LRRC7: variants seen among roughly 807,000 people sequenced by gnomAD.
The protein encoded by LRRC7 is leucine-rich repeat-containing protein 7.
In LRRC7, 23 loss-of-function variants were observed where a neutral mutation model predicts 175.7. That is an observed-to-expected ratio of 0.13 (90% CI 0.09 to 0.19). The LOEUF (loss-of-function observed/expected upper bound fraction) is 0.19. LRRC7 is among the 10% of genes least tolerant of loss of function. The probability of loss-of-function intolerance (pLI) is 1.00; values close to 1 mark genes in which losing one functional copy is unlikely to be tolerated. For missense variants in LRRC7, 1,354 were observed against 1,904.7 expected, an observed-to-expected ratio of 0.71 and a Z score of 5.38; for synonymous variants, 685 against 680.9, an observed-to-expected ratio of 1.01 and a Z score of -0.09.
Position 70,134,927 on chromosome 1 carries a change from C to T in LRRC7, c.*13040C>T, listed in dbSNP as rs1274572955. The stretch of plus-strand genomic sequence containing the variant: ...ATACAGCTTTTGAGTTTTTGATTTG[C>T]CTGATGTTCTATTTCATCTTTTTTA... On this transcript the variant is annotated 3_prime_UTR_variant, in exon 27 of 27. Transcript: ENST00000651989. Among the ~76,000 whole-genome samples, 2 of 152,060 alleles carry T rather than the reference C, an allele frequency of 1.3e-5. No individual in the cohort carries two copies. The highest frequency in any genetic ancestry group is 1.3e-4 in the Admixed American group (2 of 15,258).
At chr1:69,915,397 C>G (rs2101714947) in intron 7 of LRRC7, among the ~76,000 whole-genome samples, 1 of 152,256 alleles carries the variant, frequency 6.6e-6, no homozygotes, top group Non-Finnish European at 1.5e-5. Flanking sequence ...TATGATTTCA[C>G]AGACTGAGAT....
chr1:69,681,298 A>G (rs75180871), intron 2 of LRRC7, among the ~76,000 whole-genome samples: 1 of 152,184 alleles, frequency 6.6e-6, no homozygotes, highest in Non-Finnish European at 1.5e-5. Flanking sequence ...AAGTCAAATC[A>G]TAGTAGCTTT....
intron 8 of LRRC7, among the ~76,000 whole-genome samples, chr1:69,947,703 T>G (rs1293523731): frequency 6.6e-6 from 1 of 152,072 alleles, no homozygotes; most frequent in Non-Finnish European, 1.5e-5. Flanking sequence ...TATTCCCCCT[T>G]TATCTGCAGA....
intron 1 of LRRC7, among the ~76,000 whole-genome samples, chr1:69,667,539 C>A (rs1343019056): frequency 6.6e-6 from 1 of 152,118 alleles, no homozygotes; most frequent in Admixed American, 6.5e-5. Context: ...CTGAATTCAT[C>A]CCTTTATCAT....
rs117258614 is a variant in LRRC7, at chr1:69,725,226, T to A, written c.101-34965T>A. On this transcript the variant is annotated intron_variant, in intron 2 of 26. Transcript: ENST00000651989. ...GTCAAAGTGGATCATCATAAAGGTCTTCATCCTTGTCTTCACATTGAGTAG... is the reference window on the plus strand; with the variant it reads ...GTCAAAGTGGATCATCATAAAGGTCATCATCCTTGTCTTCACATTGAGTAG... Among the ~76,000 whole-genome samples, 3 of 152,248 alleles carry A rather than the reference T, an allele frequency of 2.0e-5. No homozygotes were observed. In the East Asian group the frequency reaches 5.8e-4, roughly 29 times the overall value.
At position 70,038,153 on chromosome 1, in the gene LRRC7, T is replaced by A; in HGVS notation, c.2329T>A (p.Leu777Ile). 1 of 1,613,336 alleles carries A rather than the reference T, an allele frequency of 6.2e-7. No individual in the cohort carries two copies. Among genetic ancestry groups the A allele is most frequent in the African/African-American group, 1.3e-5 (1 of 75,032 alleles). Residue 777 changes from leucine to isoleucine, a missense_variant, in exon 21 of 27, where the codon TTA becomes ATA. Leu to Ile is a conservative substitution (Grantham distance 5). Coordinates refer to ENST00000651989, the MANE Select transcript of LRRC7 (RefSeq NM_001370785.2). ...SFPQPLDSKP[L>I]LSQREAVPPG... ...CCCACAGCCTCTTGATTCAAAGCCA[T>A]TACTCAGCCAGCGGGAGGCTGTTCC...
At chr1:69,748,583 A>G (rs985366921) in intron 2 of LRRC7, among the ~76,000 whole-genome samples, 1 of 152,210 alleles carries the variant, frequency 6.6e-6, no homozygotes, top group African/African-American at 2.4e-5. Flanking sequence ...ATTTAAAAGT[A>G]CTAAACACAC....
chr1:69,722,280 C>T (rs1666447357), intron 2 of LRRC7, among the ~76,000 whole-genome samples: 1 of 151,976 alleles, frequency 6.6e-6, no homozygotes, highest in Non-Finnish European at 1.5e-5. Flanking sequence ...TATTTTTTGA[C>T]AGCTCCTTAC....
intron 2 of LRRC7, among the ~76,000 whole-genome samples, chr1:69,724,192 T>C (rs1393420237): frequency 2.0e-5 from 3 of 152,206 alleles, no homozygotes; most frequent in East Asian, 1.9e-4. Context: ...TCTCTTAATA[T>C]TGTCTAAGTG....
intron 26 of LRRC7, among the ~76,000 whole-genome samples, chr1:70,120,895 C>T (rs1666169676): frequency 6.6e-6 from 1 of 152,036 alleles, no homozygotes; most frequent in African/African-American, 2.4e-5. Context: ...GCCTTTACGG[C>T]AGTGAAGGCT....
chr1:69,590,967 A>G (rs974999894), intron 1 of LRRC7, among the ~76,000 whole-genome samples: 18 of 152,162 alleles, frequency 1.2e-4, no homozygotes, highest in Non-Finnish European at 2.5e-4. Flanking sequence ...AAGTATTATT[A>G]TTACTATTAT....
intron 1 of LRRC7, among the ~76,000 whole-genome samples, chr1:69,632,389 C>T (rs1238730545): frequency 6.6e-6 from 1 of 152,172 alleles, no homozygotes; most frequent in Admixed American, 6.6e-5. Flanking sequence ...TTACAGTTAG[C>T]TGAGTGCCAA....
chr1:69,893,770 T>A (rs1645902525), intron 7 of LRRC7, among the ~76,000 whole-genome samples: 2 of 152,008 alleles, frequency 1.3e-5, no homozygotes, highest in African/African-American at 4.8e-5. Flanking sequence ...TTTTAAGAGA[T>A]TTTTTAATTT....
chr1:69,760,524 T>G, intron 3 of LRRC7, 131 bp downstream of exon 3: 1 of 733,554 alleles, frequency 1.4e-6, no homozygotes, highest in Non-Finnish European at 2.3e-6. Context: ...TTGATATAAC[T>G]TCCCCCAATA....
At chr1:69,603,308 A>G (rs200585116) in intron 1 of LRRC7, among the ~76,000 whole-genome samples, 5 of 152,186 alleles carry the variant, frequency 3.3e-5, no homozygotes, top group Admixed American at 3.3e-4. Context: ...CTACAGATAT[A>G]TAGCTTAGAT....
chr1:69,601,212 G>A (rs11799492), intron 1 of LRRC7, among the ~76,000 whole-genome samples: 1,749 of 152,208 alleles, frequency 0.011, 37 homozygotes, highest in African/African-American at 0.037. Flanking sequence ...GGCCCTCTCC[G>A]CTGACAAAGC....
chr1:70,105,711 T>C (rs895021487), intron 25 of LRRC7, among the ~76,000 whole-genome samples: 2 of 152,184 alleles, frequency 1.3e-5, no homozygotes, highest in African/African-American at 4.8e-5. Context: ...TAATTTTTGT[T>C]ATTATAAATA....
intron 1 of LRRC7, among the ~76,000 whole-genome samples, chr1:69,623,917 G>T (rs926667483): frequency 1.3e-5 from 2 of 151,972 alleles, no homozygotes; most frequent in African/African-American, 4.8e-5. Flanking sequence ...ACCTCTATTT[G>T]CTTGTTTCTT....
At chr1:69,740,837 A>G (rs1195264354) in intron 2 of LRRC7, among the ~76,000 whole-genome samples, 3 of 152,058 alleles carry the variant, frequency 2.0e-5, no homozygotes, top group Non-Finnish European at 4.4e-5. Flanking sequence ...CTCCAAATAC[A>G]GTCACAGTGG....
Sources: allele counts gnomAD v4.1 joint callset (sites outside exome capture counted in the v4.1 genomes callset), GRCh38; gene constraint gnomAD v4.1.1; transcripts MANE v1.5; gene names NCBI Gene and HGNC (gene_info 2026-07-23, HGNC 2026-07-21).